Variants in CPNE3 observed in about 807,000 individuals in gnomAD.
The protein encoded by CPNE3 is copine 3.
A neutral mutation model predicts 63.9 loss-of-function variants in CPNE3; 68 were observed. The observed-to-expected ratio is 1.06, with a 90% CI of 0.87 to 1.30. The LOEUF (loss-of-function observed/expected upper bound fraction) is 1.30. Among genes scored for constraint, CPNE3 ranks in the 50% most tolerant of loss-of-function variants. The pLI is 0.00. For missense variants in CPNE3, 665 were observed against 578.1 expected (o/e 1.15, Z -1.54); for synonymous variants, 219 against 197.5 (o/e 1.11, Z -0.91).
intron 7 of CPNE3, 32 bp downstream of exon 7, chr8:86,537,678 G>A (rs777884688): frequency 8.3e-7 from 1 of 1,211,428 alleles, no homozygotes; most frequent in South Asian, 1.2e-5. Context: ...GCAGAGTGGA[G>A]GTGTTCTTTG....
chr8:86,522,867 CA>C (rs1342425263), intron 2 of CPNE3, among the ~76,000 whole-genome samples: 9 of 152,176 alleles, frequency 5.9e-5, no homozygotes, highest in African/African-American at 1.7e-4. Context: ...ACTTCTCCTT[CA>C]CAATTGTTTT....
intron 15 of CPNE3, among the ~76,000 whole-genome samples, chr8:86,555,307 C>T (rs1160807815): frequency 1.3e-5 from 2 of 152,060 alleles, no homozygotes; most frequent in East Asian, 1.9e-4. Flanking sequence ...AAAGTTACCA[C>T]ATCAGATGCT....
rs1563702836 is a variant in CPNE3 at position 86,556,351 on chromosome 8, C to G, written c.1491+13C>G. ...ACAGTTCCAGAATGTGAGTACCACT[C>G]CTCCCTACTCAAACACTAAAGTGAC... On this transcript the variant is annotated intron_variant, in intron 16 of 16. Transcript: ENST00000517490. 1 of 872,546 alleles carries G rather than the reference C, an allele frequency of 1.1e-6. No homozygotes were observed. The highest frequency in any genetic ancestry group is 2.0e-6 in the Non-Finnish European group (1 of 501,352). The allele number at this position is 872,546 out of a possible 1,614,324, so 54.1% of individuals were successfully genotyped here.
chr8:86,524,450 A>G (rs991192835), intron 2 of CPNE3, among the ~76,000 whole-genome samples: 15 of 152,164 alleles, frequency 9.9e-5, no homozygotes, highest in African/African-American at 3.6e-4. Context: ...TTTGCATTTC[A>G]GAAGACGTGT....
At chr8:86,547,992 C>G (rs1180479853) in intron 11 of CPNE3, among the ~76,000 whole-genome samples, 1 of 152,174 alleles carries the variant, frequency 6.6e-6, no homozygotes, top group Admixed American at 6.5e-5. Flanking sequence ...AACCTACAAA[C>G]TAGTGGTTAT....
At chr8:86,518,976 T>TCAA (rs1401202592) in intron 2 of CPNE3, among the ~76,000 whole-genome samples, 3 of 152,076 alleles carry the variant, frequency 2.0e-5, no homozygotes, top group African/African-American at 4.8e-5. Context: ...AGCCATGTTG[T>TCAA]CCAGGCTGCT....
intron 2 of CPNE3, among the ~76,000 whole-genome samples, chr8:86,524,543 A>G (rs1263091438): frequency 2.0e-5 from 3 of 152,086 alleles, no homozygotes; most frequent in Non-Finnish European, 2.9e-5. Context: ...TGTGTTTTCT[A>G]TCCTGCTCTT....
intron 12 of CPNE3, among the ~76,000 whole-genome samples, chr8:86,548,715 T>C (rs1821108385): frequency 6.6e-6 from 1 of 152,196 alleles, no homozygotes; most frequent in South Asian, 2.1e-4. Flanking sequence ...AGCAAGGCTC[T>C]TGTTTCTTTA....
intron 6 of CPNE3, among the ~76,000 whole-genome samples, chr8:86,535,416 G>A (rs1820782012): frequency 6.6e-6 from 1 of 151,522 alleles, no homozygotes; most frequent in South Asian, 2.1e-4. Flanking sequence ...GCTCACGCCT[G>A]TAATCCCAGC....
intron 12 of CPNE3, 104 bp downstream of exon 12, chr8:86,548,538 A>G (rs1434191967): frequency 1.4e-6 from 2 of 1,405,166 alleles, no homozygotes; most frequent in Admixed American, 4.1e-5. Context: ...TAGGTTGATG[A>G]TGCTTTCTCC....
chr8:86,540,326 A>G lies in CPNE3; in HGVS notation c.625A>G (p.Thr209Ala), dbSNP rs147164479. The G allele has an allele frequency of 4.0e-5, 60 of 1,495,118 alleles. No individual in the cohort carries two copies. Among genetic ancestry groups the G allele is most frequent in the Non-Finnish European group, 1.1e-5 (12 of 1,119,322 alleles). The allele number at this position is 1,495,118 out of a possible 1,614,324, so 92.6% of individuals were successfully genotyped here. A position where few individuals can be genotyped will look rare whatever the true frequency, so the allele number is the denominator to read the frequency against. ...NSLCYGDMDK[T>A]IKVECYDYDN... ...ACTGTGTTACGGAGATATGGACAAAACCATTAAGGTAAGTTGAAATTATAT... is the reference window on the plus strand; with the variant it reads ...ACTGTGTTACGGAGATATGGACAAAGCCATTAAGGTAAGTTGAAATTATAT... The change falls in exon 8 of 17, where the codon ACC becomes GCC. Residue 209 changes from threonine (T) to alanine (A), a missense_variant. By Grantham distance (58) the Thr-to-Ala change is moderately conservative (BLOSUM62 0). Coordinates refer to ENST00000517490, the MANE Select transcript of CPNE3 (RefSeq NM_003909.5).
intron 3 of CPNE3, 104 bp downstream of exon 3, chr8:86,528,781 G>A (rs1368347917): frequency 1.4e-6 from 2 of 1,421,194 alleles, no homozygotes; most frequent in Non-Finnish European, 1.9e-6. Context: ...ATCTGTTAAT[G>A]GAGTTTTTTG....
At chr8:86,541,141 G>A (rs1016411014) in intron 8 of CPNE3, among the ~76,000 whole-genome samples, 1 of 152,132 alleles carries the variant, frequency 6.6e-6, no homozygotes, top group Non-Finnish European at 1.5e-5. Context: ...AAGCAGGCAG[G>A]ATAATGAGGA....
At chr8:86,534,160 T>C (rs1402768931) in intron 6 of CPNE3, among the ~76,000 whole-genome samples, 2 of 152,200 alleles carry the variant, frequency 1.3e-5, no homozygotes, top group East Asian at 3.8e-4. Context: ...GTGGTGTCAT[T>C]TAACATGTTT....
intron 8 of CPNE3, 100 bp downstream of exon 8, chr8:86,540,434 T>A (rs1469631246): frequency 6.0e-6 from 3 of 504,074 alleles, no homozygotes; most frequent in African/African-American, 4.1e-5. Flanking sequence ...AAGTAAATGA[T>A]GTAAGACACC....
intron 7 of CPNE3, 41 bp from the exon 8 acceptor site, chr8:86,540,203 TG>T (rs1254685990): frequency 8.2e-7 from 1 of 1,224,972 alleles, no homozygotes; most frequent in African/African-American, 1.5e-5. Context: ...GTTAATGAAC[TG>T]GAAGTTTTTC....
At chr8:86,528,461 C>G in intron 2 of CPNE3, 75 bp from the exon 3 acceptor site, 1 of 1,541,214 alleles carries the variant, frequency 6.5e-7, no homozygotes, top group South Asian at 1.2e-5. Flanking sequence ...AAGAAGTCAC[C>G]TGTTTTTGTT....
chr8:86,540,991 A>G (rs934803430), intron 8 of CPNE3, among the ~76,000 whole-genome samples: 4 of 152,236 alleles, frequency 2.6e-5, no homozygotes, highest in African/African-American at 9.6e-5. Context: ...ATATACATAC[A>G]TATACATAAA....
intron 5 of CPNE3, among the ~76,000 whole-genome samples, chr8:86,531,963 T>C (rs1368659703): frequency 6.6e-6 from 1 of 152,226 alleles, no homozygotes; most frequent in Non-Finnish European, 1.5e-5. Context: ...TGTTTTGCTG[T>C]AGTTTAAATC....
Sources: gnomAD v4.1 joint callset for allele counts (sites outside exome capture counted in the v4.1 genomes callset) on GRCh38, gnomAD v4.1.1 for gene constraint, MANE v1.5 for transcripts, NCBI Gene and HGNC (gene_info 2026-07-23, HGNC 2026-07-21) for gene names.